Variants in STK32B observed in about 807,000 individuals in gnomAD.
The protein encoded by STK32B is serine/threonine-protein kinase 32B.
In STK32B, 43 loss-of-function variants were observed where a neutral mutation model predicts 52.6. The observed-to-expected ratio is 0.82, with a 90% CI of 0.64 to 1.05. The LOEUF (loss-of-function observed/expected upper bound fraction) is 1.05. Ranked by LOEUF, STK32B falls within the 50% of genes least tolerant of loss-of-function variation. The probability of loss-of-function intolerance (pLI) is 0.00; values close to 1 mark genes in which losing one functional copy is unlikely to be tolerated. For synonymous variants in STK32B, 238 were observed against 204.3 expected, an observed-to-expected ratio of 1.17 and a Z score of -1.41; for missense variants, 621 against 534.6, an observed-to-expected ratio of 1.16 and a Z score of -1.59.
intron 2 of STK32B, among the ~76,000 whole-genome samples, chr4:5,145,364 T>G (rs1239898408): frequency 6.6e-6 from 1 of 152,238 alleles, no homozygotes; most frequent in Non-Finnish European, 1.5e-5. Context: ...TCTTTTGATG[T>G]AAAATGTACA....
chr4:5,226,652 C>T (rs1723893872), intron 3 of STK32B, among the ~76,000 whole-genome samples: 1 of 152,142 alleles, frequency 6.6e-6, no homozygotes, highest in Non-Finnish European at 1.5e-5. Flanking sequence ...CCAAGTAGCC[C>T]TTACTTAATA....
intron 3 of STK32B, among the ~76,000 whole-genome samples, chr4:5,315,407 G>C (rs891849954): frequency 3.3e-5 from 5 of 150,734 alleles, no homozygotes; most frequent in Non-Finnish European, 5.9e-5. Context: ...CCACAAAACA[G>C]TAACAATAAT....
intron 3 of STK32B, among the ~76,000 whole-genome samples, chr4:5,184,911 A>G (rs1164768516): frequency 6.9e-6 from 1 of 144,800 alleles, no homozygotes; most frequent in East Asian, 1.9e-4. Flanking sequence ...AGTGCTGTCA[A>G]GAGAAGCACA....
At chr4:5,199,618 C>G (rs1721968608) in intron 3 of STK32B, among the ~76,000 whole-genome samples, 1 of 151,978 alleles carries the variant, frequency 6.6e-6, no homozygotes, top group Non-Finnish European at 1.5e-5. Flanking sequence ...TCTAATTTGA[C>G]TAAGGTTTAA....
At chr4:5,444,573 A>C (rs1430388894) in intron 6 of STK32B, among the ~76,000 whole-genome samples, 1 of 152,064 alleles carries the variant, frequency 6.6e-6, no homozygotes, top group Non-Finnish European at 1.5e-5. Flanking sequence ...TGCGTCGCTC[A>C]CACTGGGAGC....
At chr4:5,221,115 C>T (rs1224955657) in intron 3 of STK32B, among the ~76,000 whole-genome samples, 1 of 152,118 alleles carries the variant, frequency 6.6e-6, no homozygotes, top group Non-Finnish European at 1.5e-5. Context: ...TTCCTGGGAG[C>T]AATTGATGTT....
intron 3 of STK32B, among the ~76,000 whole-genome samples, chr4:5,264,490 AAATTG>A (rs200940917): frequency 6.3e-5 from 9 of 142,754 alleles, no homozygotes; most frequent in African/African-American, 2.1e-4. Flanking sequence ...TTAAAAAAAA[AAATTG>A]TTGTGTTGTG....
chr4:5,131,475 T>G (rs1715768349), intron 1 of STK32B, among the ~76,000 whole-genome samples: 1 of 152,216 alleles, frequency 6.6e-6, no homozygotes, highest in South Asian at 2.1e-4. Flanking sequence ...CAGAACCCTG[T>G]AGTACTTTCT....
chr4:5,425,299 G>C (rs984050171), intron 6 of STK32B, among the ~76,000 whole-genome samples: 8 of 152,172 alleles, frequency 5.3e-5, no homozygotes, highest in African/African-American at 1.9e-4. Flanking sequence ...ACACCCCAAG[G>C]ATCCTGTGAC....
At chr4:5,351,631 T>C (rs1733831718) in intron 4 of STK32B, among the ~76,000 whole-genome samples, 1 of 151,738 alleles carries the variant, frequency 6.6e-6, no homozygotes, top group African/African-American at 2.4e-5. Context: ...GCTAAATAAA[T>C]GAAATAGGGA....
At chr4:5,258,024 T>C (rs10937632) in intron 3 of STK32B, among the ~76,000 whole-genome samples, 19,286 of 152,180 alleles carry the variant, frequency 0.13, 3,066 homozygotes, top group African/African-American at 0.37. Flanking sequence ...GTTCAAATCT[T>C]ACTCCTTTCT....
the STK32B span, among the ~76,000 whole-genome samples, chr4:5,029,115 C>G: frequency 1.3e-5 from 2 of 152,158 alleles, no homozygotes; most frequent in Non-Finnish European, 2.9e-5. Context: ...ACCTCCAACA[C>G]TAGGGATTAC....
chr4:5,278,671 T>C (rs1333806710), intron 3 of STK32B, among the ~76,000 whole-genome samples: 1 of 152,108 alleles, frequency 6.6e-6, no homozygotes, highest in Non-Finnish European at 1.5e-5. Flanking sequence ...AGAGTTATGG[T>C]ATTAGTCCCT....
At chr4:5,432,970 A>G (rs1221004216) in intron 6 of STK32B, among the ~76,000 whole-genome samples, 1 of 152,210 alleles carries the variant, frequency 6.6e-6, no homozygotes, top group Non-Finnish European at 1.5e-5. Context: ...TCATTGTGCC[A>G]GTAAGCATGG....
chr4:5,452,018 G>A lies in STK32B; in HGVS notation c.667-4789G>A, dbSNP rs1026284418. On this transcript the variant is annotated intron_variant, in intron 7 of 11. Transcript: ENST00000282908. ...AGCACCCTTCAACCACTAGAGACAG[G>A]CACGGAGAGCAGAGGCTGGATCATA... Among the ~76,000 whole-genome samples, 8 of 152,176 alleles carry A rather than the reference G, an allele frequency of 5.3e-5. 1 individual carries two copies. The East Asian group carries it at 1.4e-3, about 26-fold the overall frequency.
At chr4:5,397,058 T>C (rs1244616730) in intron 4 of STK32B, among the ~76,000 whole-genome samples, 6 of 152,214 alleles carry the variant, frequency 3.9e-5, no homozygotes, top group African/African-American at 1.4e-4. Context: ...TGAGCGCTTC[T>C]TTCATCCCCA....
chr4:5,054,015 A>G (rs1202753508), intron 1 of STK32B, among the ~76,000 whole-genome samples: 1 of 151,964 alleles, frequency 6.6e-6, no homozygotes, highest in Non-Finnish European at 1.5e-5. Context: ...ATAAATAAAT[A>G]TAAGGTTAGG....
At chr4:5,330,069 C>T (rs187905538) in intron 3 of STK32B, among the ~76,000 whole-genome samples, 24 of 152,296 alleles carry the variant, frequency 1.6e-4, no homozygotes, top group African/African-American at 5.5e-4. Context: ...GAGTGAGAGT[C>T]AGGGGATTTG....
At chr4:5,206,185 A>G (rs1262183805) in intron 3 of STK32B, among the ~76,000 whole-genome samples, 1 of 152,176 alleles carries the variant, frequency 6.6e-6, no homozygotes, top group Non-Finnish European at 1.5e-5. Flanking sequence ...ACCCAGCAAA[A>G]AGGCAAAAAC....
Sources: gnomAD v4.1 joint callset for allele counts (sites outside exome capture counted in the v4.1 genomes callset) on GRCh38, gnomAD v4.1.1 for gene constraint, MANE v1.5 for transcripts, NCBI Gene and HGNC (gene_info 2026-07-23, HGNC 2026-07-21) for gene names.